Variants in RCAN3 observed in about 807,000 individuals in gnomAD.
RCAN3 encodes regulator of calcineurin 3, also known as calcipressin-3.
Under a neutral mutation model 21.9 loss-of-function variants are expected in RCAN3, and 19 were observed. That is an observed-to-expected ratio of 0.87 (90% CI 0.61 to 1.27). RCAN3 has a LOEUF of 1.27. Among genes scored for constraint, RCAN3 ranks in the 50% most tolerant of loss-of-function variants. The pLI is 0.00. For missense variants in RCAN3, 240 were observed against 300.1 expected (o/e 0.80, Z 1.48); for synonymous variants, 114 against 112.3 (o/e 1.01, Z -0.09).
intron 2 of RCAN3, among the ~76,000 whole-genome samples, chr1:24,521,036 C>T (rs1224625497): frequency 6.6e-6 from 1 of 152,086 alleles, no homozygotes; most frequent in African/African-American, 2.4e-5. Flanking sequence ...GTTGGATGCA[C>T]ACTTCCTGAT....
intron 1 of RCAN3, 75 bp from the exon 2 acceptor site, chr1:24,514,239 C>A: frequency 1.5e-6 from 1 of 662,528 alleles, no homozygotes; most frequent in Non-Finnish European, 2.4e-6. Context: ...TGAATTGCAG[C>A]CTGGAGACAT....
chr1:24,502,643 C>A (rs1647194298), upstream of RCAN3, among the ~76,000 whole-genome samples: 1 of 152,012 alleles, frequency 6.6e-6, no homozygotes, highest in Non-Finnish European at 1.5e-5. Context: ...TCGGGGTGAT[C>A]TAAAGCCCCC....
intron 4 of RCAN3, among the ~76,000 whole-genome samples, chr1:24,534,187 T>G (rs573321836): frequency 6.6e-6 from 1 of 152,128 alleles, no homozygotes; most frequent in Non-Finnish European, 1.5e-5. Context: ...GAGGAAGAAG[T>G]GATTCAGTGC....
intron 2 of RCAN3, among the ~76,000 whole-genome samples, chr1:24,517,084 GTTTTTTTTTGT>G (rs375154154): frequency 0.015 from 2,131 of 146,924 alleles, 49 homozygotes; most frequent in African/African-American, 0.049. Flanking sequence ...CTATTTTTTT[GTTTTTTTTTGT>G]TTTTTTTTTG....
At chr1:24,514,980 A>C (rs1020246911) in intron 2 of RCAN3, among the ~76,000 whole-genome samples, 1 of 152,088 alleles carries the variant, frequency 6.6e-6, no homozygotes, top group Non-Finnish European at 1.5e-5. Context: ...AAAAAAAAAA[A>C]AAGAAAGTGT....
intron 1 of RCAN3, among the ~76,000 whole-genome samples, chr1:24,506,821 C>T (rs1157420576): frequency 6.6e-6 from 1 of 150,906 alleles, no homozygotes; most frequent in Non-Finnish European, 1.5e-5. Flanking sequence ...AATCTTTTTA[C>T]GGGTTAGACG....
intron 3 of RCAN3, among the ~76,000 whole-genome samples, 166 bp from the exon 4 acceptor site, chr1:24,532,917 C>A (rs1649888142): frequency 7.3e-6 from 1 of 136,152 alleles, no homozygotes; most frequent in Admixed American, 7.6e-5. Flanking sequence ...CCACTGCACT[C>A]CAGCCTGGGC....
chr1:24,530,025 C>T (rs1048724230), intron 2 of RCAN3, among the ~76,000 whole-genome samples: 2 of 147,340 alleles, frequency 1.4e-5, no homozygotes, highest in African/African-American at 5.1e-5. Flanking sequence ...CAAAATTAAA[C>T]GAACTGGTGG....
rs1173968151 is a variant in RCAN3 at position 24,539,960 on chromosome 1, G to A, written c.*4683G>A. 6.6e-6 allele frequency: 1 copy of A among 152,242 alleles called. No homozygotes were observed. Among genetic ancestry groups the A allele is most frequent in the South Asian group, 2.1e-4 (1 of 4,834 alleles). The allele number at this position is 152,242 out of a possible 1,614,324, so 9.4% of individuals were successfully genotyped here. ...CAATAGTTGCTTCCTAGCTGGAGCT[G>A]TAAGTCCATGTTACAGAAACTCACT... On this transcript the variant is annotated 3_prime_UTR_variant, in exon 5 of 5. Transcript: ENST00000374395.
At position 24,531,781 on chromosome 1, in the gene RCAN3, C is replaced by T. The variant is rs56746055; in HGVS notation, c.369+390C>T. 2.2e-3 allele frequency among the ~76,000 whole-genome samples: 336 copies of T among 152,236 alleles called. 1 individual carries two copies. Among genetic ancestry groups the T allele is most frequent in the African/African-American group, 7.9e-3 (329 of 41,530 alleles). On this transcript the variant is annotated intron_variant, in intron 3 of 4. Coordinates refer to ENST00000374395, the MANE Select transcript of RCAN3 (RefSeq NM_013441.4). ...AAACTGAGAAAATGGTCTCTTAAAT[C>T]ATTTCCATAATTCATATGAGGAACC...
At chr1:24,504,776 A>G (rs1003658712) in intron 1 of RCAN3, among the ~76,000 whole-genome samples, 2 of 152,252 alleles carry the variant, frequency 1.3e-5, no homozygotes, top group Non-Finnish European at 2.9e-5. Flanking sequence ...CTTTTCCCCT[A>G]GAATGTAGAG....
At chr1:24,524,902 T>G (rs1412353828) in intron 2 of RCAN3, among the ~76,000 whole-genome samples, 1 of 146,812 alleles carries the variant, frequency 6.8e-6, no homozygotes. Flanking sequence ...CAATCACAGC[T>G]CTCTGCAACC....
intron 1 of RCAN3, among the ~76,000 whole-genome samples, chr1:24,511,172 G>C (rs923900826): frequency 2.6e-5 from 4 of 152,180 alleles, no homozygotes; most frequent in Non-Finnish European, 5.9e-5. Flanking sequence ...AATTAGCTGG[G>C]CATGGTGGCG....
Position 24,538,620 on chromosome 1 carries a change from A to G in RCAN3, c.*3343A>G, listed in dbSNP as rs1245810184. On this transcript the variant is annotated 3_prime_UTR_variant, in exon 5 of 5. Coordinates refer to ENST00000374395, the MANE Select transcript of RCAN3 (RefSeq NM_013441.4). The stretch of plus-strand genomic sequence containing the variant: ...AGTAGAGACGGGGTTTCACCACGTT[A>G]GCCAGGATGGTCTCGATCTCCTGAC... The G allele has an allele frequency of 6.9e-6, 1 of 144,814 alleles. No individual in the cohort carries two copies. Among genetic ancestry groups the G allele is most frequent in the African/African-American group, 2.6e-5 (1 of 38,182 alleles). 9.0% of individuals were successfully genotyped at this position (144,814 alleles called of 1,614,324 possible).
Position 24,540,610 on chromosome 1 carries a change from G to A in RCAN3, c.*5333G>A, listed in dbSNP as rs1331518402. 1.3e-5 allele frequency: 2 copies of A among 152,112 alleles called. No individual in the cohort carries two copies. The highest frequency in any genetic ancestry group is 1.5e-5 in the Non-Finnish European group (1 of 68,032). The allele number at this position is 152,112 out of a possible 1,614,324, so 9.4% of individuals were successfully genotyped here. The stretch of plus-strand genomic sequence containing the variant: ...AACCCCACGTGATTGTTGATTGACG[G>A]TTCTGCTATAATGTGCGTGCCCTTC... On this transcript the variant is annotated 3_prime_UTR_variant, in exon 5 of 5. Coordinates refer to ENST00000374395, the MANE Select transcript of RCAN3 (RefSeq NM_013441.4).
Position 24,537,909 on chromosome 1 carries a change from A to C in RCAN3, c.*2632A>C, listed in dbSNP as rs185866801. The C allele has an allele frequency of 2.6e-4, 37 of 144,574 alleles. No homozygotes were observed. Among genetic ancestry groups the C allele is most frequent in the Admixed American group, 2.2e-3 (33 of 15,014 alleles). The allele number at this position is 144,574 out of a possible 1,614,324, so 9.0% of individuals were successfully genotyped here. On this transcript the variant is annotated 3_prime_UTR_variant, in exon 5 of 5. Transcript: ENST00000374395. Reference sequence around the variant, plus strand: ...AGCGAAACTCCGTCTCAAAAAAAAAAGATTTAACCCTGATTGATAGTATAG... The same window carrying C: ...AGCGAAACTCCGTCTCAAAAAAAAACGATTTAACCCTGATTGATAGTATAG...
chr1:24,508,790 A>G (rs920861413), intron 1 of RCAN3, among the ~76,000 whole-genome samples: 5 of 152,216 alleles, frequency 3.3e-5, no homozygotes, highest in African/African-American at 1.2e-4. Context: ...ACTATACTAT[A>G]GTCTATTAAG....
chr1:24,516,598 C>T lies in RCAN3; in HGVS notation c.195+2031C>T, dbSNP rs555380561. ...AAATCGGACTAGAAGAGTGAGTATG[C>T]GGCCACCCAGCAAAATCTCATGAAC... On this transcript the variant is annotated intron_variant, in intron 2 of 4. Coordinates refer to ENST00000374395, the MANE Select transcript of RCAN3 (RefSeq NM_013441.4). 1.1e-4 allele frequency among the ~76,000 whole-genome samples: 17 copies of T among 152,244 alleles called. No individual in the cohort carries two copies. The East Asian group carries it at 2.1e-3, about 19-fold the overall frequency.
intron 2 of RCAN3, among the ~76,000 whole-genome samples, chr1:24,520,382 A>C (rs933528871): frequency 2.6e-5 from 4 of 152,168 alleles, no homozygotes; most frequent in African/African-American, 9.7e-5. Flanking sequence ...ATTGCTACAA[A>C]ACGTTGTTGA....
Sources: gnomAD v4.1 joint callset for allele counts (sites outside exome capture counted in the v4.1 genomes callset) on GRCh38, gnomAD v4.1.1 for gene constraint, MANE v1.5 for transcripts, NCBI Gene and HGNC (gene_info 2026-07-23, HGNC 2026-07-21) for gene names.